Variants in SLC16A10 observed in about 807,000 individuals in gnomAD.
The protein encoded by SLC16A10 is monocarboxylate transporter 10.
Under a neutral mutation model 40.0 loss-of-function variants are expected in SLC16A10, and 27 were observed. The ratio of observed to expected loss-of-function variants is 0.67; its 90% CI spans 0.50 to 0.93. SLC16A10 has a LOEUF of 0.93. Ranked by LOEUF, SLC16A10 falls within the 40% of genes least tolerant of loss-of-function variation. The pLI is 0.00. For synonymous variants in SLC16A10, 213 were observed against 249.8 expected, an observed-to-expected ratio of 0.85 and a Z score of 1.39; for missense variants, 529 against 658.2, an observed-to-expected ratio of 0.80 and a Z score of 2.15.
At chr6:111,096,502 CAGAT>C (rs1451295005) in intron 1 of SLC16A10, among the ~76,000 whole-genome samples, 3 of 152,314 alleles carry the variant, frequency 2.0e-5, no homozygotes, top group South Asian at 2.1e-4. Flanking sequence ...CCACATAAGA[CAGAT>C]AGCCTATCAG....
chr6:111,163,520 T>A (rs980241420), intron 1 of SLC16A10, among the ~76,000 whole-genome samples: 1 of 152,184 alleles, frequency 6.6e-6, no homozygotes, highest in Non-Finnish European at 1.5e-5. Context: ...CTCATAGAAT[T>A]TTGGAACATA....
At chr6:111,198,673 G>A (rs1363080723) in intron 3 of SLC16A10, among the ~76,000 whole-genome samples, 3 of 152,116 alleles carry the variant, frequency 2.0e-5, no homozygotes, top group Non-Finnish European at 2.9e-5. Context: ...TTATGGAATC[G>A]CTGTTATATA....
intron 1 of SLC16A10, among the ~76,000 whole-genome samples, chr6:111,155,633 GATT>G (rs1772257199): frequency 6.6e-6 from 1 of 152,182 alleles, no homozygotes. Context: ...TGTAAAGAAA[GATT>G]ATAGACAAGC....
At chr6:111,143,508 T>A (rs1772021430) in intron 1 of SLC16A10, among the ~76,000 whole-genome samples, 1 of 152,154 alleles carries the variant, frequency 6.6e-6, no homozygotes, top group African/African-American at 2.4e-5. Context: ...CTAATTTTTT[T>A]TAAAATTTTT....
rs1008439919 is a variant in SLC16A10, at chr6:111,223,869, G to A, written c.*1634G>A. On this transcript the variant is annotated 3_prime_UTR_variant, in exon 6 of 6. Coordinates refer to ENST00000368851, the MANE Select transcript of SLC16A10 (RefSeq NM_018593.5). ...AATCCCAGCACTTTGGGAGGCTGAG[G>A]AGGGAAGATTGCTTGAGCCCAGGAG... The A allele has an allele frequency of 1.4e-4, 21 of 152,570 alleles. 1 individual carries two copies. The highest frequency in any genetic ancestry group is 1.2e-3 in the Admixed American group (19 of 15,282). The allele number at this position is 152,570 out of a possible 1,614,324, so 9.5% of individuals were successfully genotyped here.
intron 1 of SLC16A10, among the ~76,000 whole-genome samples, chr6:111,152,505 A>G (rs1364714019): frequency 6.6e-6 from 1 of 152,236 alleles, no homozygotes; most frequent in Non-Finnish European, 1.5e-5. Context: ...TATTAGAGAT[A>G]ACCTTTAAAA....
chr6:111,155,940 G>A (rs974830989), intron 1 of SLC16A10, among the ~76,000 whole-genome samples: 8 of 152,078 alleles, frequency 5.3e-5, no homozygotes, highest in Non-Finnish European at 8.8e-5. Flanking sequence ...CTTGCAGAAA[G>A]GGCTGATGAT....
At chr6:111,097,467 A>G (rs888133407) in intron 1 of SLC16A10, among the ~76,000 whole-genome samples, 6 of 151,788 alleles carry the variant, frequency 4.0e-5, no homozygotes, top group African/African-American at 7.3e-5. Context: ...ACGCACCACC[A>G]TGCCTGGCTA....
At chr6:111,109,769 G>A (rs187177656) in intron 1 of SLC16A10, among the ~76,000 whole-genome samples, 16 of 152,132 alleles carry the variant, frequency 1.1e-4, no homozygotes, top group South Asian at 4.2e-4. Context: ...ATTTTTTATC[G>A]ATTCACATAT....
At chr6:111,092,726 A>G (rs1473168676) in intron 1 of SLC16A10, among the ~76,000 whole-genome samples, 1 of 151,998 alleles carries the variant, frequency 6.6e-6, no homozygotes, top group Non-Finnish European at 1.5e-5. Flanking sequence ...AATTAAGTGG[A>G]ACATTGTTTT....
At chr6:111,098,090 T>G (rs1240464531) in intron 1 of SLC16A10, among the ~76,000 whole-genome samples, 4 of 152,098 alleles carry the variant, frequency 2.6e-5, no homozygotes, top group Non-Finnish European at 5.9e-5. Context: ...GCGGATCACT[T>G]GAGGTCCGGA....
chr6:111,143,634 A>C (rs965815960), intron 1 of SLC16A10, among the ~76,000 whole-genome samples: 1 of 152,214 alleles, frequency 6.6e-6, no homozygotes, highest in Non-Finnish European at 1.5e-5. Context: ...ACTATAAGAC[A>C]TTCTGGAAAT....
At chr6:111,216,395 C>T (rs73532720) in intron 4 of SLC16A10, among the ~76,000 whole-genome samples, 1,821 of 151,880 alleles carry the variant, frequency 0.012, 26 homozygotes, top group African/African-American at 0.042. Flanking sequence ...ATGCCCAACT[C>T]GTATTCTTTT....
intron 3 of SLC16A10, among the ~76,000 whole-genome samples, chr6:111,205,302 A>G (rs909366512): frequency 3.9e-5 from 6 of 152,160 alleles, no homozygotes; most frequent in African/African-American, 1.4e-4. Flanking sequence ...TGGGCACTAT[A>G]TGGGTGGTTG....
intron 1 of SLC16A10, among the ~76,000 whole-genome samples, chr6:111,163,275 C>T (rs1331515126): frequency 6.7e-6 from 1 of 149,648 alleles, no homozygotes; most frequent in Non-Finnish European, 1.5e-5. Flanking sequence ...GCCTCAGCCT[C>T]CCAAGTAGCT....
At chr6:111,143,930 C>T (rs1318305029) in intron 1 of SLC16A10, among the ~76,000 whole-genome samples, 1 of 152,060 alleles carries the variant, frequency 6.6e-6, no homozygotes, top group Non-Finnish European at 1.5e-5. Context: ...TTGAAACCAG[C>T]CTGGTCAGCA....
intron 3 of SLC16A10, among the ~76,000 whole-genome samples, chr6:111,179,615 G>A (rs997605833): frequency 6.6e-6 from 1 of 152,212 alleles, no homozygotes; most frequent in Non-Finnish European, 1.5e-5. Context: ...CATAGTGGAA[G>A]GTGAGTTAGA....
chr6:111,164,367 G>A (rs896730476), intron 1 of SLC16A10, among the ~76,000 whole-genome samples: 1 of 152,124 alleles, frequency 6.6e-6, no homozygotes, highest in African/African-American at 2.4e-5. Flanking sequence ...TTTTAATTAT[G>A]TGCTACCAAT....
In SLC16A10 at chr6:111,188,333, CTA is replaced by C. The variant is rs555581246; in HGVS notation, c.942+10670_942+10671del. Among the ~76,000 whole-genome samples the C allele has an allele frequency of 1.8e-3, 277 of 150,428 alleles. 2 individuals carry two copies. Among genetic ancestry groups the C allele is most frequent in the African/African-American group, 6.3e-3 (258 of 41,020 alleles). On this transcript the variant is annotated intron_variant, in intron 3 of 5. Transcript: ENST00000368851. ...TTCTTTCCTTTTTCCTTTTTCTTAACTATGCAGAATGCTTTGCTACTTTGCAC... is the reference window on the plus strand; with the variant it reads ...TTCTTTCCTTTTTCCTTTTTCTTAACTGCAGAATGCTTTGCTACTTTGCAC...
Sources: allele counts gnomAD v4.1 joint callset (sites outside exome capture counted in the v4.1 genomes callset), GRCh38; gene constraint gnomAD v4.1.1; transcripts MANE v1.5; gene names NCBI Gene and HGNC (gene_info 2026-07-23, HGNC 2026-07-21).